VAV3: variants seen among roughly 807,000 people sequenced by gnomAD.
VAV3 encodes the protein vav guanine nucleotide exchange factor 3.
A neutral mutation model predicts 131.2 loss-of-function variants in VAV3; 94 were observed. That is an observed-to-expected ratio of 0.72 (90% CI 0.61 to 0.85). VAV3 has a LOEUF of 0.85. VAV3 is among the 40% of genes least tolerant of loss of function. The probability of loss-of-function intolerance (pLI) is 0.00; values close to 1 mark genes in which losing one functional copy is unlikely to be tolerated. For missense variants in VAV3, 939 were observed against 1,002.7 expected (o/e 0.94, Z 0.86); for synonymous variants, 349 against 342.0 (o/e 1.02, Z -0.22).
rs930924517 is a variant in VAV3, at chr1:107,598,448, T to C, written c.2221-2107A>G. 3.3e-5 allele frequency among the ~76,000 whole-genome samples: 5 copies of C among 152,198 alleles called. No individual in the cohort carries two copies. In the East Asian group the frequency reaches 9.6e-4, roughly 29 times the overall value. ...TTTTTGCTATGTGTTCATGATGTAC[T>C]AGGAACTTTGTTTTCTTAGACTTAA... On this transcript the variant is annotated intron_variant, in intron 24 of 26. Transcript: ENST00000370056.
intron 19 of VAV3, among the ~76,000 whole-genome samples, chr1:107,644,418 T>G (rs1485850575): frequency 2.0e-5 from 3 of 152,070 alleles, no homozygotes; most frequent in Non-Finnish European, 4.4e-5. Context: ...AAGGAAAGCA[T>G]CTTGTTTGGT....
intron 2 of VAV3, among the ~76,000 whole-genome samples, chr1:107,827,148 G>A (rs1278816907): frequency 1.3e-5 from 2 of 151,846 alleles, no homozygotes; most frequent in Admixed American, 6.6e-5. Flanking sequence ...TACCTATGAC[G>A]ACATTCAGTC....
At chr1:107,782,348 CCT>C (rs1170698780) in intron 2 of VAV3, among the ~76,000 whole-genome samples, 1 of 152,138 alleles carries the variant, frequency 6.6e-6, no homozygotes, top group Non-Finnish European at 1.5e-5. Context: ...CTACACACCG[CCT>C]CTTTCAGAAA....
At chr1:107,853,585 A>C (rs1214367344) in intron 2 of VAV3, among the ~76,000 whole-genome samples, 2 of 152,134 alleles carry the variant, frequency 1.3e-5, no homozygotes, top group African/African-American at 4.8e-5. Context: ...AACCAAAAAA[A>C]AAAAATTCAT....
At chr1:107,798,401 C>T (rs1344501280) in intron 2 of VAV3, among the ~76,000 whole-genome samples, 3 of 151,932 alleles carry the variant, frequency 2.0e-5, no homozygotes, top group East Asian at 3.9e-4. Flanking sequence ...GTTTGTGCCT[C>T]CAATAAGCAG....
intron 1 of VAV3, among the ~76,000 whole-genome samples, chr1:107,914,660 GAGGTTT>G (rs956010061): frequency 6.6e-6 from 1 of 152,164 alleles, no homozygotes; most frequent in African/African-American, 2.4e-5. Context: ...GGAAAACACT[GAGGTTT>G]TCAGTTATAA....
chr1:107,662,662 G>A (rs1020941049), intron 19 of VAV3, among the ~76,000 whole-genome samples: 3 of 152,164 alleles, frequency 2.0e-5, no homozygotes, highest in African/African-American at 4.8e-5. Context: ...ATGTGCTGAC[G>A]TTTTAGCAAG....
chr1:107,960,511 T>G (rs928488687), intron 1 of VAV3, among the ~76,000 whole-genome samples: 5 of 151,248 alleles, frequency 3.3e-5, no homozygotes, highest in African/African-American at 1.2e-4. Context: ...GCCATGTCAC[T>G]CCTCTCCTCA....
At chr1:107,876,893 CT>C (rs1469104904) in intron 1 of VAV3, among the ~76,000 whole-genome samples, 5 of 151,952 alleles carry the variant, frequency 3.3e-5, no homozygotes, top group Non-Finnish European at 5.9e-5. Context: ...TGTATCTTTG[CT>C]TTTTTAAAAG....
At chr1:107,764,105 A>G (rs1409418821) in intron 9 of VAV3, among the ~76,000 whole-genome samples, 1 of 151,756 alleles carries the variant, frequency 6.6e-6, no homozygotes, top group Non-Finnish European at 1.5e-5. Context: ...AAAAAACAAA[A>G]CAAAAAAAAA....
intron 24 of VAV3, among the ~76,000 whole-genome samples, chr1:107,599,709 A>C (rs563934176): frequency 4.2e-4 from 64 of 152,032 alleles, no homozygotes; most frequent in African/African-American, 1.5e-3. Flanking sequence ...CAATCTTCTC[A>C]CTGAGAAACC....
intron 2 of VAV3, among the ~76,000 whole-genome samples, chr1:107,841,307 A>C (rs1668697113): frequency 6.6e-6 from 1 of 151,906 alleles, no homozygotes; most frequent in Non-Finnish European, 1.5e-5. Flanking sequence ...GTAGAAAAAG[A>C]AACAATTTTA....
intron 22 of VAV3, among the ~76,000 whole-genome samples, chr1:107,603,608 T>C (rs17019522): frequency 0.36 from 54,461 of 152,044 alleles, 10,088 homozygotes; most frequent in Middle Eastern, 0.42. Context: ...CAATAAGTTA[T>C]TTTAAATAGT....
At chr1:107,718,593 G>C (rs1661271548) in intron 15 of VAV3, among the ~76,000 whole-genome samples, 1 of 152,142 alleles carries the variant, frequency 6.6e-6, no homozygotes, top group African/African-American at 2.4e-5. Flanking sequence ...CCATGCTCAT[G>C]GATAGGAAGA....
At chr1:107,753,288 A>G (rs1483538922) in intron 12 of VAV3, among the ~76,000 whole-genome samples, 1 of 151,818 alleles carries the variant, frequency 6.6e-6, no homozygotes, top group Admixed American at 6.6e-5. Context: ...GTAGATTGGT[A>G]GTTTCCAGGG....
intron 1 of VAV3, among the ~76,000 whole-genome samples, chr1:107,910,322 G>C (rs1009195573): frequency 6.6e-6 from 1 of 152,148 alleles, no homozygotes; most frequent in Non-Finnish European, 1.5e-5. Context: ...AGGAACATAA[G>C]TGATAAAATC....
At chr1:107,691,767 C>T (rs1329050908) in intron 17 of VAV3, among the ~76,000 whole-genome samples, 1 of 152,166 alleles carries the variant, frequency 6.6e-6, no homozygotes, top group Non-Finnish European at 1.5e-5. Flanking sequence ...CATGTCCCAA[C>T]TGGCTTAATA....
At chr1:107,739,784 C>T (rs1346758971) in intron 15 of VAV3, among the ~76,000 whole-genome samples, 2 of 152,194 alleles carry the variant, frequency 1.3e-5, no homozygotes, top group African/African-American at 4.8e-5. Context: ...AATGCCAAAG[C>T]AGGTGACAAA....
chr1:107,736,561 A>G (rs1570862431), intron 15 of VAV3, among the ~76,000 whole-genome samples: 1 of 152,088 alleles, frequency 6.6e-6, no homozygotes, highest in East Asian at 1.9e-4. Context: ...CTATACACCA[A>G]TTACAGACAG....
Sources: allele counts gnomAD v4.1 joint callset (sites outside exome capture counted in the v4.1 genomes callset), GRCh38; gene constraint gnomAD v4.1.1; transcripts MANE v1.5; gene names NCBI Gene and HGNC (gene_info 2026-07-23, HGNC 2026-07-21).